AUTS2: variants seen among roughly 807,000 people sequenced by gnomAD.
AUTS2 encodes the protein activator of transcription and developmental regulator AUTS2, also known as autism susceptibility gene 2 protein.
In AUTS2, 17 loss-of-function variants were observed where a neutral mutation model predicts 112.4. That is an observed-to-expected ratio of 0.15 (90% CI 0.10 to 0.23). The LOEUF (loss-of-function observed/expected upper bound fraction) is 0.23. Among genes scored for constraint, AUTS2 ranks in the 10% least tolerant of loss-of-function variants. The pLI is 1.00. For missense variants in AUTS2, 1,510 were observed against 1,701.6 expected (o/e 0.89, Z 1.98); for synonymous variants, 751 against 702.7 (o/e 1.07, Z -1.09).
At chr7:70,709,665 A>G (rs1563143434) in intron 6 of AUTS2, among the ~76,000 whole-genome samples, 1 of 152,202 alleles carries the variant, frequency 6.6e-6, no homozygotes, top group Non-Finnish European at 1.5e-5. Context: ...GAGCGGAGAT[A>G]GGCGCTACCA....
intron 5 of AUTS2, among the ~76,000 whole-genome samples, chr7:70,560,245 T>C (rs549472259): frequency 4.2e-4 from 64 of 152,348 alleles, no homozygotes; most frequent in African/African-American, 1.5e-3. Flanking sequence ...TCTATCTACT[T>C]ATCCAGCTTT....
At chr7:69,760,113 T>C (rs1358482260) in intron 1 of AUTS2, among the ~76,000 whole-genome samples, 2 of 151,450 alleles carry the variant, frequency 1.3e-5, no homozygotes, top group Admixed American at 1.3e-4. Flanking sequence ...ACAAGTATCA[T>C]GTTCTGTAAC....
intron 6 of AUTS2, among the ~76,000 whole-genome samples, chr7:70,758,388 C>T (rs1789356080): frequency 2.0e-5 from 3 of 152,124 alleles, no homozygotes; most frequent in Non-Finnish European, 4.4e-5. Context: ...GTAGAGTTTG[C>T]ATTCTACTAG....
At chr7:69,710,598 C>T (rs139315532) in intron 1 of AUTS2, among the ~76,000 whole-genome samples, 4 of 152,240 alleles carry the variant, frequency 2.6e-5, no homozygotes, top group East Asian at 3.9e-4. Context: ...TCACATATGC[C>T]GATTATGTCC....
intron 2 of AUTS2, among the ~76,000 whole-genome samples, chr7:69,951,492 A>G (rs1311206527): frequency 1.3e-5 from 2 of 152,184 alleles, no homozygotes; most frequent in Non-Finnish European, 2.9e-5. Flanking sequence ...GGTGGATATG[A>G]TGAGCCTCTC....
At chr7:69,759,764 A>C (rs1486140564) in intron 1 of AUTS2, among the ~76,000 whole-genome samples, 25 of 468 alleles carry the variant, frequency 0.053, no homozygotes, top group South Asian at 0.11. Flanking sequence ...TTCCCCTCTC[A>C]TCCCCGCCCC....
chr7:70,418,103 G>GTGTGTGTC (rs558330346), intron 4 of AUTS2, among the ~76,000 whole-genome samples: 7,908 of 148,912 alleles, frequency 0.053, 259 homozygotes, highest in Middle Eastern at 0.097. Context: ...GTGTGTGTGT[G>GTGTGTGTC]TGTGTGTGTC....
chr7:70,597,356 G>A (rs1803258454), intron 5 of AUTS2, among the ~76,000 whole-genome samples: 1 of 152,210 alleles, frequency 6.6e-6, no homozygotes, highest in South Asian at 2.1e-4. Flanking sequence ...TGTGCTCTCT[G>A]TCGCTGTGTT....
intron 1 of AUTS2, among the ~76,000 whole-genome samples, chr7:69,869,356 T>G (rs1287747183): frequency 6.6e-6 from 1 of 152,118 alleles, no homozygotes; most frequent in Non-Finnish European, 1.5e-5. Flanking sequence ...TGCTTGAAAT[T>G]CCTGGCTCAT....
At chr7:69,984,185 A>G (rs1584527661) in intron 2 of AUTS2, among the ~76,000 whole-genome samples, 1 of 152,262 alleles carries the variant, frequency 6.6e-6, no homozygotes, top group Non-Finnish European at 1.5e-5. Flanking sequence ...TGGGAGGCCA[A>G]GGCGGGCGGA....
chr7:70,419,435 G>C (rs1368440755), intron 4 of AUTS2, among the ~76,000 whole-genome samples: 1 of 149,972 alleles, frequency 6.7e-6, no homozygotes, highest in Non-Finnish European at 1.5e-5. Flanking sequence ...CACACTGGGG[G>C]CTGGGGGGTG....
chr7:70,701,254 G>T (rs545620129), intron 6 of AUTS2, among the ~76,000 whole-genome samples: 8 of 152,344 alleles, frequency 5.3e-5, no homozygotes, highest in African/African-American at 1.7e-4. Context: ...GTGGGGGTTG[G>T]GGGGGCGCAG....
At chr7:69,695,905 G>A (rs963077151) in intron 1 of AUTS2, among the ~76,000 whole-genome samples, 14 of 152,188 alleles carry the variant, frequency 9.2e-5, no homozygotes, top group African/African-American at 3.1e-4. Context: ...GAGAACACAA[G>A]AAGGGGCCTT....
At position 69,599,749 on chromosome 7, in the gene AUTS2, CGGCGCGGCCGGCGGCGGCGGGGCT is replaced by C. The variant is rs752490672; in HGVS notation, c.100_123del (p.Ala34_Gly41del). On this transcript the variant is annotated inframe_deletion, in exon 1 of 19. Coordinates refer to ENST00000342771, the MANE Select transcript of AUTS2 (RefSeq NM_015570.4). This position sits in a 1 kb window ranked among gnomAD's most constrained non-coding sequence, Gnocchi z 7.0. The stretch of plus-strand genomic sequence containing the variant: ...GGCGCTCCCGGGGCGGGCTGGGGGC[CGGCGCGGCCGGCGGCGGCGGGGCT>C]GGCCGGACCCGGGCGCTCTCACTCG... 1.6e-5 allele frequency: 22 copies of C among 1,359,340 alleles called. No homozygotes were observed. Among genetic ancestry groups the C allele is most frequent in the Non-Finnish European group, 2.1e-5 (22 of 1,060,428 alleles). 84.2% of individuals were successfully genotyped at this position (1,359,340 alleles called of 1,614,324 possible).
intron 5 of AUTS2, among the ~76,000 whole-genome samples, chr7:70,558,878 A>C (rs889538968): frequency 5.3e-5 from 8 of 152,218 alleles, no homozygotes; most frequent in Non-Finnish European, 1.0e-4. Flanking sequence ...CTTTCCTTGC[A>C]AAATGTAGAG....
intron 1 of AUTS2, among the ~76,000 whole-genome samples, chr7:69,738,918 G>T (rs1584164152): frequency 6.6e-6 from 1 of 152,044 alleles, no homozygotes; most frequent in South Asian, 2.1e-4. Context: ...TTCTTATTTT[G>T]CATTCTCCTA....
intron 2 of AUTS2, among the ~76,000 whole-genome samples, chr7:70,054,580 A>C (rs549462676): frequency 3.3e-5 from 5 of 152,206 alleles, no homozygotes; most frequent in African/African-American, 9.6e-5. Context: ...AACAAACAAA[A>C]AAATAAATGG....
chr7:70,434,667 G>C (rs77533047), intron 4 of AUTS2, among the ~76,000 whole-genome samples: 2 of 152,074 alleles, frequency 1.3e-5, no homozygotes, highest in Non-Finnish European at 2.9e-5. Flanking sequence ...CTCTCTCCAC[G>C]TTCCCACAGA....
intron 4 of AUTS2, among the ~76,000 whole-genome samples, chr7:70,348,718 G>A (rs1247407359): frequency 6.6e-6 from 1 of 152,192 alleles, no homozygotes; most frequent in African/African-American, 2.4e-5. Context: ...GCTGAGGCAG[G>A]AGAATGGCGT....
Sources: gnomAD v4.1 joint callset for allele counts (sites outside exome capture counted in the v4.1 genomes callset) on GRCh38, gnomAD v4.1.1 for gene constraint, Gnocchi (gnomAD v3.1) non-coding constraint, MANE v1.5 for transcripts, NCBI Gene and HGNC (gene_info 2026-07-23, HGNC 2026-07-21) for gene names.